The following PTPRN2 variants were observed in gnomAD, a reference collection of about 807,000 sequenced individuals.
PTPRN2 encodes protein tyrosine phosphatase receptor type N2.
PTPRN2 carries 74 observed loss-of-function variants against 118.8 expected under a neutral mutation model. The observed-to-expected ratio is 0.62, with a 90% CI of 0.52 to 0.76. PTPRN2 has a LOEUF of 0.76. PTPRN2 is among the 30% of genes least tolerant of loss of function. The pLI is 0.00. For missense variants in PTPRN2, 1,481 were observed against 1,394.4 expected, an observed-to-expected ratio of 1.06 and a Z score of -0.99; for synonymous variants, 641 against 608.0, an observed-to-expected ratio of 1.05 and a Z score of -0.80.
At chr7:157,731,461 T>C (rs73516885) in intron 12 of PTPRN2, among the ~76,000 whole-genome samples, 4,913 of 147,304 alleles carry the variant, frequency 0.033, 336 homozygotes, top group African/African-American at 0.13. Flanking sequence ...TACTCTTCCT[T>C]CCCACGCGCC....
intron 12 of PTPRN2, among the ~76,000 whole-genome samples, chr7:157,807,639 G>A (rs1805714570): frequency 6.6e-6 from 1 of 152,246 alleles, no homozygotes; most frequent in Non-Finnish European, 1.5e-5. Context: ...GGGCAGGGCT[G>A]CATGCCTGAG....
At chr7:157,788,572 C>T (rs990769937) in intron 12 of PTPRN2, among the ~76,000 whole-genome samples, 3 of 152,118 alleles carry the variant, frequency 2.0e-5, no homozygotes, top group African/African-American at 7.2e-5. Context: ...ACCTCTTAGT[C>T]GTCACCCCTA....
At chr7:158,371,337 C>CAA (rs201386674) in intron 2 of PTPRN2, among the ~76,000 whole-genome samples, 2,946 of 139,566 alleles carry the variant, frequency 0.021, 113 homozygotes, top group African/African-American at 0.071. Context: ...CAAAGGAAAG[C>CAA]AAAAAAAAAA....
intron 1 of PTPRN2, among the ~76,000 whole-genome samples, chr7:158,558,967 C>T (rs1318079253): frequency 6.6e-6 from 1 of 151,990 alleles, no homozygotes; most frequent in Admixed American, 6.6e-5. Context: ...GCTGGATCCC[C>T]GAGGTCTGCA....
intron 6 of PTPRN2, among the ~76,000 whole-genome samples, chr7:158,160,709 T>C (rs184178077): frequency 7.0e-4 from 107 of 152,262 alleles, no homozygotes; most frequent in Non-Finnish European, 6.2e-4. Context: ...GTGCACACAA[T>C]TACCAAGCAG....
intron 11 of PTPRN2, among the ~76,000 whole-genome samples, chr7:157,906,443 C>T (rs1797773142): frequency 6.6e-6 from 1 of 152,224 alleles, no homozygotes; most frequent in Non-Finnish European, 1.5e-5. Flanking sequence ...TCTCTTTCCC[C>T]ATGTCGTTTT....
At chr7:158,089,559 ACCTTCTTCCCCT>A (rs1813828450) in intron 10 of PTPRN2, among the ~76,000 whole-genome samples, 2 of 112,722 alleles carry the variant, frequency 1.8e-5, no homozygotes, top group African/African-American at 7.1e-5. Context: ...CTTCACACAA[ACCTTCTTCCCCT>A]GATGAAAGAG....
At chr7:157,930,228 C>T (rs997996942) in intron 11 of PTPRN2, among the ~76,000 whole-genome samples, 1 of 152,178 alleles carries the variant, frequency 6.6e-6, no homozygotes, top group Non-Finnish European at 1.5e-5. Flanking sequence ...CGCTTCTCCT[C>T]CCCCAGGTTC....
chr7:158,034,777 C>T (rs745403094), intron 11 of PTPRN2, among the ~76,000 whole-genome samples: 13 of 152,284 alleles, frequency 8.5e-5, no homozygotes, highest in African/African-American at 1.9e-4. Context: ...CGAGTTGCAT[C>T]GTAGCTGAGG....
chr7:158,011,480 GAAACCCCC>G (rs1806044696), intron 11 of PTPRN2, among the ~76,000 whole-genome samples: 1 of 152,196 alleles, frequency 6.6e-6, no homozygotes, highest in African/African-American at 2.4e-5. Flanking sequence ...ATGTTTAAAA[GAAACCCCC>G]AAACCGTCAG....
In PTPRN2 at chr7:158,505,750, G is replaced by A. The variant is rs988020886; in HGVS notation, c.113-15965C>T. 9.9e-5 allele frequency among the ~76,000 whole-genome samples: 15 copies of A among 151,962 alleles called. No homozygotes were observed. In the East Asian group the frequency reaches 2.5e-3, roughly 25 times the overall value. ...GAGGGGGGTGGGGTGACCTGAGCAC[G>A]CGCCTCACTCCTGGAACCCTGATTC... On this transcript the variant is annotated intron_variant, in intron 1 of 22. Transcript: ENST00000389418.
At chr7:157,547,435 C>G (rs1028215156) in intron 22 of PTPRN2, among the ~76,000 whole-genome samples, 5 of 152,132 alleles carry the variant, frequency 3.3e-5, no homozygotes, top group Non-Finnish European at 5.9e-5. Flanking sequence ...AAACCTGGAA[C>G]TCCTTGGTAC....
At position 158,053,811 on chromosome 7, in the gene PTPRN2, A is replaced by AT. The variant is rs1360882230; in HGVS notation, c.1723+27486_1723+27487insA. ...CTCCAGAGACGCAGAGACTCCAGAG[A>AT]GGCAGAGACCCCAGAGATGCAGAGA... On this transcript the variant is annotated intron_variant, in intron 11 of 22. Coordinates refer to ENST00000389418, the MANE Select transcript of PTPRN2 (RefSeq NM_002847.5). Among the ~76,000 whole-genome samples the AT allele has an allele frequency of 1.3e-4, 19 of 150,116 alleles. 1 individual carries two copies. Among genetic ancestry groups the AT allele is most frequent in the Non-Finnish European group, 2.1e-4 (14 of 67,722 alleles).
chr7:157,715,175 G>A (rs1798839425), intron 12 of PTPRN2, among the ~76,000 whole-genome samples: 1 of 152,216 alleles, frequency 6.6e-6, no homozygotes, highest in African/African-American at 2.4e-5. Context: ...AGCACCCCCT[G>A]CAGGGTGGGA....
chr7:157,688,592 C>G (rs1278377618), intron 12 of PTPRN2, among the ~76,000 whole-genome samples: 1 of 152,238 alleles, frequency 6.6e-6, no homozygotes, highest in East Asian at 1.9e-4. Flanking sequence ...CCTGGACGCA[C>G]GCGCGCCTTC....
chr7:158,134,928 T>C (rs1346853762), intron 8 of PTPRN2, among the ~76,000 whole-genome samples: 5 of 152,176 alleles, frequency 3.3e-5, no homozygotes, highest in African/African-American at 9.7e-5. Context: ...GATTATCAGA[T>C]CCAGAATTGG....
chr7:158,389,306 G>A lies in PTPRN2; in HGVS notation c.164-72374C>T, dbSNP rs1811744629. On this transcript the variant is annotated intron_variant, in intron 2 of 22. Transcript: ENST00000389418. ...CTGCGACGCATGTGGAGGACACGCAGCCGTGTCCATAGACCACACGAAGTG... is the reference window on the plus strand; with the variant it reads ...CTGCGACGCATGTGGAGGACACGCAACCGTGTCCATAGACCACACGAAGTG... 1.3e-5 allele frequency among the ~76,000 whole-genome samples: 2 copies of A among 152,262 alleles called. 1 individual carries two copies. Among genetic ancestry groups the A allele is most frequent in the South Asian group, 4.1e-4 (2 of 4,832 alleles).
intron 13 of PTPRN2, among the ~76,000 whole-genome samples, chr7:157,668,026 CT>C (rs2150772592): frequency 6.6e-6 from 1 of 152,350 alleles, no homozygotes; most frequent in Non-Finnish European, 1.5e-5. Context: ...TGAGCAGCTC[CT>C]CAGGTGTGAG....
intron 2 of PTPRN2, 141 bp from the exon 3 acceptor site, chr7:158,317,073 G>T: frequency 1.7e-6 from 1 of 585,258 alleles, no homozygotes. Flanking sequence ...AGGGCTGTTA[G>T]GACCCGGGAG....
Sources: gnomAD v4.1 joint callset for allele counts (sites outside exome capture counted in the v4.1 genomes callset) on GRCh38, gnomAD v4.1.1 for gene constraint, MANE v1.5 for transcripts, NCBI Gene and HGNC (gene_info 2026-07-23, HGNC 2026-07-21) for gene names.